The following UGDH variants were observed in gnomAD, a reference collection of about 807,000 sequenced individuals.
The protein encoded by UGDH is UDP-Glc dehydrogenase.
Under a neutral mutation model 50.6 loss-of-function variants are expected in UGDH, and 38 were observed. The observed-to-expected ratio is 0.75, with a 90% CI of 0.58 to 0.98. The LOEUF is 0.98. Ranked by LOEUF, UGDH falls within the 50% of genes least tolerant of loss-of-function variation. UGDH has a pLI of 0.00. For synonymous variants in UGDH, 168 were observed against 199.9 expected, an observed-to-expected ratio of 0.84 and a Z score of 1.35; for missense variants, 465 against 606.2, an observed-to-expected ratio of 0.77 and a Z score of 2.45.
At chr4:39,527,219 C>T in intron 1 of UGDH, 64 bp downstream of exon 1, 1 of 969,732 alleles carries the variant, frequency 1.0e-6, no homozygotes, top group Non-Finnish European at 1.4e-6. Flanking sequence ...GCTCCCTCCA[C>T]ATCCCGCCCA....
intron 2 of UGDH, among the ~76,000 whole-genome samples, chr4:39,521,087 A>G (rs915918662): frequency 2.0e-5 from 3 of 148,364 alleles, no homozygotes; most frequent in Admixed American, 6.8e-5. Context: ...AAAAAAAAAA[A>G]AAAGAAAACA....
At chr4:39,514,827 CAT>C (rs1181353056) in intron 2 of UGDH, among the ~76,000 whole-genome samples, 3 of 151,886 alleles carry the variant, frequency 2.0e-5, no homozygotes, top group East Asian at 1.9e-4. Flanking sequence ...GGATTACAGG[CAT>C]GCACCACCAC....
At position 39,508,642 on chromosome 4, in the gene UGDH, A is replaced by G; in HGVS notation, c.830T>C (p.Phe277Ser). The change falls in exon 7 of 12, where the codon TTC (phenylalanine) becomes TCC (serine). Residue 277 changes from phenylalanine to serine, a missense_variant. Physicochemically the swap from Phe to Ser is radical, Grantham distance 155. Transcript: ENST00000316423. ...KASVGFGGSC[F>S]QKDVLNLVYL... Reference sequence around the variant, plus strand: ...AACCAAATTCAGAACATCCTTTTGGAAACAGCTCCCACCAAACCCTGCAGA... The same window carrying G: ...AACCAAATTCAGAACATCCTTTTGGGAACAGCTCCCACCAAACCCTGCAGA... The G allele has an allele frequency of 6.2e-7, 1 of 1,603,582 alleles. No homozygotes were observed. Among genetic ancestry groups the G allele is most frequent in the Non-Finnish European group, 8.5e-7 (1 of 1,177,364 alleles).
intron 6 of UGDH, 75 bp downstream of exon 6, chr4:39,509,685 C>G: frequency 1.3e-6 from 2 of 1,494,650 alleles, no homozygotes; most frequent in Non-Finnish European, 1.8e-6. Flanking sequence ...ATATATAAAG[C>G]GCTGGTACCA....
At chr4:39,501,274 A>AC (rs1374328009) in intron 11 of UGDH, among the ~76,000 whole-genome samples, 25 of 67,220 alleles carry the variant, frequency 3.7e-4, no homozygotes, top group South Asian at 1.1e-3. Flanking sequence ...CCAACAGCAT[A>AC]AATTTTTTTT....
At chr4:39,515,332 T>C (rs1438738970) in intron 2 of UGDH, among the ~76,000 whole-genome samples, 1 of 152,204 alleles carries the variant, frequency 6.6e-6, no homozygotes, top group East Asian at 1.9e-4. Flanking sequence ...AAATATATGA[T>C]TTTGCATTGT....
intron 7 of UGDH, among the ~76,000 whole-genome samples, chr4:39,506,565 A>C (rs561132132): frequency 2.0e-5 from 3 of 152,370 alleles, no homozygotes; most frequent in Non-Finnish European, 4.4e-5. Flanking sequence ...CTGCCTCTGG[A>C]TGAACCATAA....
rs1357917867 is a variant in UGDH at position 39,504,319 on chromosome 4, C to CA, written c.1263+97dup. Reference sequence around the variant, plus strand: ...CGAGACTCCATCTCAAAAAAAAAAACAAAAAAACAAAAAAACACATACATG... The same window carrying CA: ...CGAGACTCCATCTCAAAAAAAAAAACAAAAAAAACAAAAAAACACATACATG... On this transcript the variant is annotated intron_variant, in intron 10 of 11. Transcript: ENST00000316423. 3.1e-4 allele frequency: 347 copies of CA among 1,122,184 alleles called. No individual in the cohort carries two copies. The East Asian group carries it at 5.9e-3, about 19-fold the overall frequency. 69.5% of individuals were successfully genotyped at this position (1,122,184 alleles called of 1,614,324 possible). A position where few individuals can be genotyped will look rare whatever the true frequency, so the allele number is the denominator to read the frequency against.
chr4:39,499,194 A>G lies in UGDH; in HGVS notation c.*949T>C, dbSNP rs558615963. ...ATTTTTGGCTTTTGGACTAAAAAAA[A>G]AAAGATTAGTGAGGAAAACCAATAA... is the stretch of plus-strand genomic sequence containing the variant. On this transcript the variant is annotated 3_prime_UTR_variant, in exon 12 of 12. Coordinates refer to ENST00000316423, the MANE Select transcript of UGDH (RefSeq NM_003359.4). 1 of 152,212 alleles carries G rather than the reference A, an allele frequency of 6.6e-6. No individual in the cohort carries two copies. The highest frequency in any genetic ancestry group is 2.4e-5 in the African/African-American group (1 of 41,574). 9.4% of individuals were successfully genotyped at this position (152,212 alleles called of 1,614,324 possible).
rs1291880165 is a variant in UGDH at position 39,500,038 on chromosome 4, C to CAA, written c.*103_*104dup. The CAA allele has an allele frequency of 2.1e-5, 12 of 581,748 alleles. No individual in the cohort carries two copies. Among genetic ancestry groups the CAA allele is most frequent in the East Asian group, 1.3e-4 (4 of 30,228 alleles). 36.0% of individuals were successfully genotyped at this position (581,748 alleles called of 1,614,324 possible). On this transcript the variant is annotated 3_prime_UTR_variant, in exon 12 of 12. Coordinates refer to ENST00000316423, the MANE Select transcript of UGDH (RefSeq NM_003359.4). Reference sequence around the variant, plus strand: ...GTGAGACTCTGTCTCAAAAAAAAAACAAAAAAAAACACTTGGTTCATTTAC... The same window carrying CAA: ...GTGAGACTCTGTCTCAAAAAAAAAACAAAAAAAAAAACACTTGGTTCATTTAC...
At chr4:39,508,508 A>C in intron 7 of UGDH, 58 bp downstream of exon 7, 1 of 1,520,964 alleles carries the variant, frequency 6.6e-7, no homozygotes, top group African/African-American at 1.4e-5. Flanking sequence ...TGCTGCGATT[A>C]CAGGTGTGAA....
At chr4:39,522,292 C>T (rs993874843) in intron 1 of UGDH, among the ~76,000 whole-genome samples, 6 of 152,072 alleles carry the variant, frequency 3.9e-5, no homozygotes, top group East Asian at 3.9e-4. Flanking sequence ...CTCATTTATC[C>T]GTTATAATGA....
chr4:39,503,454 T>C (rs1477915177), intron 11 of UGDH, among the ~76,000 whole-genome samples: 14 of 152,172 alleles, frequency 9.2e-5, no homozygotes, highest in Non-Finnish European at 5.9e-5. Context: ...TCAGAAGGTA[T>C]AGGATGAACA....
At chr4:39,515,715 T>G (rs1046246459) in intron 2 of UGDH, among the ~76,000 whole-genome samples, 1 of 152,180 alleles carries the variant, frequency 6.6e-6, no homozygotes, top group African/African-American at 2.4e-5. Flanking sequence ...AAATTTCTTT[T>G]TTTTGAGACA....
intron 1 of UGDH, among the ~76,000 whole-genome samples, chr4:39,522,703 T>C (rs1006971506): frequency 2.0e-5 from 3 of 152,004 alleles, no homozygotes; most frequent in Non-Finnish European, 4.4e-5. Flanking sequence ...ACTACCAATC[T>C]GGCTTATGCA....
chr4:39,502,122 A>G (rs558225726), intron 11 of UGDH, among the ~76,000 whole-genome samples: 1 of 152,310 alleles, frequency 6.6e-6, no homozygotes, highest in South Asian at 2.1e-4. Flanking sequence ...TTCTCTACAT[A>G]TCTTTTCCCT....
chr4:39,509,303 A>G (rs1354423356), intron 6 of UGDH, among the ~76,000 whole-genome samples: 2 of 151,952 alleles, frequency 1.3e-5, no homozygotes, highest in East Asian at 3.9e-4. Context: ...GCAAACTTTC[A>G]TGGTAAAGGG....
At chr4:39,503,190 T>C (rs79482258) in intron 11 of UGDH, among the ~76,000 whole-genome samples, 23,432 of 152,086 alleles carry the variant, frequency 0.15, 3,803 homozygotes, top group African/African-American at 0.41. Flanking sequence ...GCTGGGATTA[T>C]AGGCGTGAGC....
chr4:39,502,648 C>T (rs1053402023), intron 11 of UGDH, among the ~76,000 whole-genome samples: 114 of 152,260 alleles, frequency 7.5e-4, no homozygotes, highest in Non-Finnish European at 5.9e-4. Context: ...CTTATTAATA[C>T]CTTTGGGACT....
Sources: gnomAD v4.1 joint callset for allele counts (sites outside exome capture counted in the v4.1 genomes callset) on GRCh38, gnomAD v4.1.1 for gene constraint, MANE v1.5 for transcripts, NCBI Gene and HGNC (gene_info 2026-07-23, HGNC 2026-07-21) for gene names.